Variants in CA10 observed in about 807,000 individuals in gnomAD.
CA10 encodes carbonic anhydrase 10 (inactive).
In CA10, 14 loss-of-function variants were observed where a neutral mutation model predicts 44.2. The observed-to-expected ratio is 0.32, with a 90% CI of 0.21 to 0.50. The LOEUF is 0.50. Among genes scored for constraint, CA10 ranks in the 20% least tolerant of loss-of-function variants. The pLI, the probability that CA10 is intolerant of heterozygous loss-of-function variation, is 0.99. For synonymous variants in CA10, 159 were observed against 141.6 expected (o/e 1.12, Z -0.87); for missense variants, 350 against 409.7 (o/e 0.85, Z 1.26).
intron 3 of CA10, among the ~76,000 whole-genome samples, chr17:51,809,440 C>CA (rs1157480083): frequency 1.3e-5 from 2 of 152,108 alleles, no homozygotes; most frequent in East Asian, 1.9e-4. Context: ...AGAAGAGATG[C>CA]AAAAAACAGA....
rs571939249 is a variant in CA10 at position 52,014,497 on chromosome 17, G to T, written c.136+57822C>A. On this transcript the variant is annotated intron_variant, in intron 2 of 8. Coordinates refer to ENST00000451037, the MANE Select transcript of CA10 (RefSeq NM_020178.5). Reference sequence around the variant, plus strand: ...TCATACAGATAAAATACCAAAATGTGAAAAGAAAAGTTATAAAATTTAGAG... The same window carrying T: ...TCATACAGATAAAATACCAAAATGTTAAAAGAAAAGTTATAAAATTTAGAG... 5.3e-5 allele frequency among the ~76,000 whole-genome samples: 8 copies of T among 151,908 alleles called. No individual in the cohort carries two copies. The South Asian group carries it at 1.7e-3, about 32-fold the overall frequency.
chr17:51,700,351 C>T (rs541043245), intron 4 of CA10, among the ~76,000 whole-genome samples: 1 of 152,172 alleles, frequency 6.6e-6, no homozygotes, highest in African/African-American at 2.4e-5. Flanking sequence ...CTCTCCACCC[C>T]ACTCAGAGCA....
chr17:52,032,160 G>C (rs1036987595), intron 2 of CA10, among the ~76,000 whole-genome samples: 4 of 152,066 alleles, frequency 2.6e-5, no homozygotes, highest in African/African-American at 7.2e-5. Context: ...TCCCAGACAT[G>C]GTTAAAAATA....
At chr17:51,862,135 G>A (rs1979338672) in intron 3 of CA10, among the ~76,000 whole-genome samples, 1 of 152,172 alleles carries the variant, frequency 6.6e-6, no homozygotes, top group Admixed American at 6.5e-5. Context: ...CCAATTAGTG[G>A]AAAACACACA....
chr17:51,959,788 T>A (rs1181794282), intron 2 of CA10, among the ~76,000 whole-genome samples: 2 of 82,350 alleles, frequency 2.4e-5, no homozygotes, highest in Middle Eastern at 8.2e-3. Context: ...ACTGATTACC[T>A]GCTAAGATGA....
At chr17:51,764,826 A>G (rs1905312677) in intron 3 of CA10, among the ~76,000 whole-genome samples, 3 of 152,202 alleles carry the variant, frequency 2.0e-5, no homozygotes, top group Non-Finnish European at 2.9e-5. Flanking sequence ...CTCCACCTAT[A>G]GGGATGGGGG....
At chr17:52,093,727 T>C (rs1227506180) in intron 1 of CA10, among the ~76,000 whole-genome samples, 1 of 152,196 alleles carries the variant, frequency 6.6e-6, no homozygotes, top group Non-Finnish European at 1.5e-5. Context: ...CTCCTAAGTA[T>C]TGCTAGCTTT....
At chr17:51,955,968 CAT>C (rs1325769878) in intron 2 of CA10, among the ~76,000 whole-genome samples, 5 of 152,130 alleles carry the variant, frequency 3.3e-5, no homozygotes, top group African/African-American at 9.7e-5. Flanking sequence ...ACATTCTGCA[CAT>C]GTGTCCCAGA....
At chr17:52,116,680 T>C (rs1165773513) in intron 1 of CA10, among the ~76,000 whole-genome samples, 1 of 152,148 alleles carries the variant, frequency 6.6e-6, no homozygotes, top group Admixed American at 6.5e-5. Flanking sequence ...TCTAGATGAG[T>C]AGCCATTCAT....
At chr17:51,676,016 A>T (rs982781951) in intron 4 of CA10, among the ~76,000 whole-genome samples, 1 of 152,236 alleles carries the variant, frequency 6.6e-6, no homozygotes, top group African/African-American at 2.4e-5. Context: ...ATGGTAAGTC[A>T]GCAATGGCTG....
At chr17:51,696,182 A>G (rs1385916917) in intron 4 of CA10, among the ~76,000 whole-genome samples, 1 of 152,126 alleles carries the variant, frequency 6.6e-6, no homozygotes, top group Non-Finnish European at 1.5e-5. Flanking sequence ...CTGGCTTTGT[A>G]GAAAGAGTTA....
At chr17:51,942,575 A>ACCATGAT (rs1983126086) in intron 2 of CA10, among the ~76,000 whole-genome samples, 1 of 137,212 alleles carries the variant, frequency 7.3e-6, no homozygotes, top group Admixed American at 8.0e-5. Context: ...CCCAAATCTT[A>ACCATGAT]CCATGATCAA....
At chr17:52,086,713 G>C (rs1257272310) in intron 1 of CA10, among the ~76,000 whole-genome samples, 2 of 152,102 alleles carry the variant, frequency 1.3e-5, no homozygotes. Context: ...AATATTTTTT[G>C]GAGAACATGC....
intron 1 of CA10, among the ~76,000 whole-genome samples, chr17:52,118,997 C>T (rs1313660764): frequency 1.3e-5 from 2 of 152,222 alleles, no homozygotes; most frequent in East Asian, 1.9e-4. Context: ...TCAAATAGAA[C>T]AAGAGTTAAT....
At chr17:51,915,981 C>T (rs1393729549) in intron 3 of CA10, among the ~76,000 whole-genome samples, 1 of 151,674 alleles carries the variant, frequency 6.6e-6, no homozygotes, top group African/African-American at 2.4e-5. Flanking sequence ...AAAAAAAAAC[C>T]TTACCTTTTA....
chr17:51,668,447 C>T (rs1914286052), intron 4 of CA10, among the ~76,000 whole-genome samples: 1 of 152,204 alleles, frequency 6.6e-6, no homozygotes, highest in South Asian at 2.1e-4. Context: ...TTGAAACTGT[C>T]TTTCAGACAG....
chr17:51,811,791 T>C (rs1327699257), intron 3 of CA10, among the ~76,000 whole-genome samples: 1 of 152,232 alleles, frequency 6.6e-6, no homozygotes, highest in Admixed American at 6.5e-5. Context: ...TATGATTTAT[T>C]AGTAATGGTT....
intron 1 of CA10, among the ~76,000 whole-genome samples, chr17:52,099,047 T>C (rs1011226325): frequency 1.3e-4 from 20 of 152,008 alleles, no homozygotes; most frequent in African/African-American, 4.8e-4. Context: ...CTGAAAATAA[T>C]AGCAAGAGGT....
At chr17:51,664,644 G>A (rs1914145149) in intron 4 of CA10, among the ~76,000 whole-genome samples, 1 of 151,788 alleles carries the variant, frequency 6.6e-6, no homozygotes, top group South Asian at 2.1e-4. Context: ...AGTGAACAAG[G>A]AAGACAGCTT....
Sources: gnomAD v4.1 joint callset for allele counts (sites outside exome capture counted in the v4.1 genomes callset) on GRCh38, gnomAD v4.1.1 for gene constraint, MANE v1.5 for transcripts, NCBI Gene and HGNC (gene_info 2026-07-23, HGNC 2026-07-21) for gene names.